RABEP1: variants seen among roughly 807,000 people sequenced by gnomAD.
RABEP1 encodes the protein rab GTPase-binding effector protein 1.
RABEP1 carries 51 observed loss-of-function variants against 123.4 expected under a neutral mutation model. The observed-to-expected ratio is 0.41, with a 90% CI of 0.33 to 0.52. The LOEUF is 0.52. Ranked by LOEUF, RABEP1 falls within the 20% of genes least tolerant of loss-of-function variation. RABEP1 has a pLI of 0.16. For synonymous variants in RABEP1, 347 were observed against 355.2 expected (o/e 0.98, Z 0.26); for missense variants, 888 against 996.3 (o/e 0.89, Z 1.46).
At chr17:5,322,411 A>C (rs1029447262) in intron 2 of RABEP1, among the ~76,000 whole-genome samples, 17 of 152,160 alleles carry the variant, frequency 1.1e-4, no homozygotes, top group African/African-American at 3.9e-4. Context: ...ATATAATAAT[A>C]AAGGGGTCAA....
chr17:5,321,928 G>T (rs1421543345), intron 2 of RABEP1, among the ~76,000 whole-genome samples: 1 of 152,190 alleles, frequency 6.6e-6, no homozygotes, highest in Non-Finnish European at 1.5e-5. Flanking sequence ...GCTGGGTGCG[G>T]TGGCTCACGC....
chr17:5,312,717 T>C (rs1232318682), intron 2 of RABEP1, among the ~76,000 whole-genome samples: 6 of 152,136 alleles, frequency 3.9e-5, no homozygotes, highest in East Asian at 1.9e-4. Flanking sequence ...GAATGAGATA[T>C]ATGGTTTCTA....
Position 5,361,587 on chromosome 17 carries a change from G to A in RABEP1, c.1475G>A (p.Ser492Asn), listed in dbSNP as rs368057078. ...GAAGAGACAGCGTCCCTCCTCTCCA[G>A]CGTTACCCAGGGCATGGAGAGTGCC... is the stretch of plus-strand genomic sequence containing the variant. ...EQEETASLLSSVTQGMESAYV... is the reference protein window; with the variant it reads ...EQEETASLLSNVTQGMESAYV... The change falls in exon 9 of 18, where the codon AGC becomes AAC. Residue 492 changes from serine (S) to asparagine (N), a missense_variant. Ser to Asn is a conservative substitution (Grantham distance 46). Transcript: ENST00000537505. 18 of 1,614,200 alleles carry A rather than the reference G, an allele frequency of 1.1e-5. No individual in the cohort carries two copies. The African/African-American group carries it at 2.4e-4, about 22-fold the overall frequency.
chr17:5,363,740 A>G (rs995733376), intron 10 of RABEP1, among the ~76,000 whole-genome samples: 1 of 152,238 alleles, frequency 6.6e-6, no homozygotes, highest in Non-Finnish European at 1.5e-5. Context: ...TGTGTCCTTC[A>G]GTGCATATTA....
chr17:5,293,162 C>T (rs764839812), intron 1 of RABEP1, among the ~76,000 whole-genome samples: 1 of 152,026 alleles, frequency 6.6e-6, no homozygotes, highest in Non-Finnish European at 1.5e-5. Context: ...TGGTGCGTGC[C>T]TGTAATCCCA....
chr17:5,289,669 A>G (rs760933274), intron 1 of RABEP1, among the ~76,000 whole-genome samples: 49 of 152,198 alleles, frequency 3.2e-4, no homozygotes, highest in Non-Finnish European at 5.6e-4. Flanking sequence ...ATACAAGACT[A>G]GTAGACATAA....
intron 15 of RABEP1, among the ~76,000 whole-genome samples, chr17:5,379,423 CAT>C (rs1416851519): frequency 6.6e-6 from 1 of 152,104 alleles, no homozygotes; most frequent in Non-Finnish European, 1.5e-5. Flanking sequence ...TCAGGTGTCT[CAT>C]ATTCAGAAGG....
At chr17:5,321,347 G>A (rs1039028314) in intron 2 of RABEP1, among the ~76,000 whole-genome samples, 1 of 152,242 alleles carries the variant, frequency 6.6e-6, no homozygotes, top group Non-Finnish European at 1.5e-5. Flanking sequence ...GAAGCCTGAG[G>A]TGAGAGGATC....
intron 12 of RABEP1, among the ~76,000 whole-genome samples, chr17:5,370,633 G>A (rs1182858720): frequency 6.6e-6 from 1 of 152,130 alleles, no homozygotes; most frequent in African/African-American, 2.4e-5. Context: ...TTTGATTCAG[G>A]TTAGACATCT....
chr17:5,287,241 A>G (rs1239675327), intron 1 of RABEP1, among the ~76,000 whole-genome samples: 1 of 152,164 alleles, frequency 6.6e-6, no homozygotes, highest in African/African-American at 2.4e-5. Context: ...GATCTCACTT[A>G]TGTTTTAAAA....
intron 11 of RABEP1, among the ~76,000 whole-genome samples, chr17:5,367,908 C>T (rs1165180790): frequency 6.6e-6 from 1 of 150,928 alleles, no homozygotes; most frequent in East Asian, 2.0e-4. Context: ...GTGCCCGCCA[C>T]CACACCCAGC....
rs747730999 is a variant in RABEP1 at position 5,383,102 on chromosome 17, T to C, written c.2488-20T>C. Reference sequence around the variant, plus strand: ...TCTAGGCAGGAGCCACCTGTAGTTATCTCACCATTGTTTCTCCAGGTGCAG... The same window carrying C: ...TCTAGGCAGGAGCCACCTGTAGTTACCTCACCATTGTTTCTCCAGGTGCAG... On this transcript the variant is annotated intron_variant, in intron 17 of 17. Coordinates refer to ENST00000537505, the MANE Select transcript of RABEP1 (RefSeq NM_004703.6). 76 of 1,607,456 alleles carry C rather than the reference T, an allele frequency of 4.7e-5. 1 individual carries two copies. In the South Asian group the frequency reaches 6.0e-4, roughly 13 times the overall value.
intron 7 of RABEP1, 69 bp from the exon 8 acceptor site, chr17:5,354,290 G>C (rs1908821835): frequency 7.3e-7 from 1 of 1,378,570 alleles, no homozygotes; most frequent in African/African-American, 1.5e-5. Flanking sequence ...TGTTTTGAAT[G>C]GTTAAAGAAC....
chr17:5,321,014 A>G (rs900571935), intron 2 of RABEP1, among the ~76,000 whole-genome samples: 4 of 152,244 alleles, frequency 2.6e-5, no homozygotes, highest in African/African-American at 9.6e-5. Flanking sequence ...TACTGCCTAC[A>G]AGAAACCCAC....
chr17:5,348,797 G>A (rs140993386), intron 6 of RABEP1, among the ~76,000 whole-genome samples: 2 of 152,060 alleles, frequency 1.3e-5, no homozygotes, highest in African/African-American at 4.8e-5. Context: ...CCCTGACCTC[G>A]TGATCCGCCC....
chr17:5,347,889 C>T (rs1317375121), intron 6 of RABEP1, among the ~76,000 whole-genome samples: 1 of 152,188 alleles, frequency 6.6e-6, no homozygotes, highest in Non-Finnish European at 1.5e-5. Context: ...TACCAACCTT[C>T]CTAATAAACC....
chr17:5,371,794 T>A (rs1007300716), intron 12 of RABEP1, among the ~76,000 whole-genome samples: 4 of 152,204 alleles, frequency 2.6e-5, no homozygotes, highest in Admixed American at 2.0e-4. Context: ...GTCATAGCAG[T>A]TTATGGTATT....
rs560230695 is a variant in RABEP1, at chr17:5,367,567, C to T, written c.1786-803C>T. Among the ~76,000 whole-genome samples the T allele has an allele frequency of 6.0e-5, 9 of 151,152 alleles. No homozygotes were observed. The East Asian group carries it at 1.6e-3, about 27-fold the overall frequency. ...TACAGGCGTGAGTCACCGTGCCCAGCCAAGGGTAAAACTTTTTTTTAAAAA... is the reference window on the plus strand; with the variant it reads ...TACAGGCGTGAGTCACCGTGCCCAGTCAAGGGTAAAACTTTTTTTTAAAAA... On this transcript the variant is annotated intron_variant, in intron 11 of 17. Transcript: ENST00000537505.
At chr17:5,375,592 C>T (rs1910923011) in intron 13 of RABEP1, among the ~76,000 whole-genome samples, 1 of 152,004 alleles carries the variant, frequency 6.6e-6, no homozygotes, top group South Asian at 2.1e-4. Flanking sequence ...CCAGCTACAA[C>T]TACTTGGGAG....
Sources: gnomAD v4.1 joint callset for allele counts (sites outside exome capture counted in the v4.1 genomes callset) on GRCh38, gnomAD v4.1.1 for gene constraint, MANE v1.5 for transcripts, NCBI Gene and HGNC (gene_info 2026-07-23, HGNC 2026-07-21) for gene names.